SYNM: variants seen among roughly 807,000 people sequenced by gnomAD.
SYNM encodes the protein synemin.
Under a neutral mutation model 104.0 loss-of-function variants are expected in SYNM, and 95 were observed. That is an observed-to-expected ratio of 0.91 (90% CI 0.77 to 1.08). The LOEUF is 1.08. Ranked by LOEUF, SYNM falls within the 50% of genes least tolerant of loss-of-function variation. SYNM has a pLI of 0.00. For synonymous variants in SYNM, 918 were observed against 869.0 expected (o/e 1.06, Z -0.99); for missense variants, 2,150 against 2,052.2 (o/e 1.05, Z -0.92).
chr15:99,128,274 A>G (rs2151808460), intron 3 of SYNM, among the ~76,000 whole-genome samples: 1 of 152,346 alleles, frequency 6.6e-6, no homozygotes, highest in East Asian at 1.9e-4. Context: ...TGCATAAAAT[A>G]ATGTTGGCCG....
In SYNM at chr15:99,131,569, C is replaced by T. The variant is rs782168939; in HGVS notation, c.3209C>T (p.Thr1070Ile). 5.0e-6 allele frequency: 8 copies of T among 1,609,148 alleles called. No individual in the cohort carries two copies. The South Asian group carries it at 7.7e-5, about 15-fold the overall frequency. ...AAGIRFRRWA[T>I]RELYIPSGES... ...GGCATTCGCTTTAGGCGTTGGGCCA[C>T]CCGGGAGCTGTACATCCCTTCAGGC... is the stretch of plus-strand genomic sequence containing the variant. Residue 1070 changes from threonine to isoleucine, a missense_variant, in exon 4 of 4, where the codon ACC (threonine) becomes ATC (isoleucine). By Grantham distance (89) the Thr-to-Ile change is moderately conservative (BLOSUM62 -1). Coordinates refer to ENST00000336292, the MANE Select transcript of SYNM (RefSeq NM_145728.3). This position sits in a 1 kb window ranked among gnomAD's most constrained non-coding sequence, Gnocchi z 4.3.
intron 2 of SYNM, among the ~76,000 whole-genome samples, chr15:99,116,405 A>ATG (rs1555483953): frequency 9.5e-6 from 1 of 104,878 alleles, no homozygotes. Flanking sequence ...GACTGCCCCA[A>ATG]GTCAGAAAAA....
chr15:99,129,967 A>T lies in SYNM; in HGVS notation c.1607A>T (p.Asn536Ile). The T allele has an allele frequency of 6.2e-7, 1 of 1,612,174 alleles. No individual in the cohort carries two copies. The highest frequency in any genetic ancestry group is 8.5e-7 in the Non-Finnish European group (1 of 1,179,014). Residue 536 changes from asparagine to isoleucine, a missense_variant, in exon 4 of 4, where the codon AAC becomes ATC. Physicochemically the swap from Asn to Ile is moderately radical, Grantham distance 149. Coordinates refer to ENST00000336292, the MANE Select transcript of SYNM (RefSeq NM_145728.3). ...AAAGAGAAGGCTTCCGAGGAGAGAAACCTAAGATGGGAAGAATTGACAAAG... is the reference window on the plus strand; with the variant it reads ...AAAGAGAAGGCTTCCGAGGAGAGAATCCTAAGATGGGAAGAATTGACAAAG... Reference protein sequence around the residue: ...DSKEKASEERNLRWEELTKLD... With the variant: ...DSKEKASEERILRWEELTKLD...
chr15:99,115,952 G>A (rs1191596189), intron 2 of SYNM, among the ~76,000 whole-genome samples: 2 of 152,244 alleles, frequency 1.3e-5, no homozygotes, highest in East Asian at 3.8e-4. Flanking sequence ...AGTGAAGAGG[G>A]AGCAGCTCTA....
At chr15:99,118,231 C>T (rs1437198918) in intron 2 of SYNM, among the ~76,000 whole-genome samples, 1 of 152,238 alleles carries the variant, frequency 6.6e-6, no homozygotes, top group Non-Finnish European at 1.5e-5. Context: ...ATCACCAGTG[C>T]ATGTCTGGAA....
At chr15:99,140,118 C>T (rs575741881), downstream of SYNM, 1 of 181,782 alleles carries the variant, frequency 5.5e-6, no homozygotes, top group African/African-American at 2.4e-5. Flanking sequence ...TGTTTGTCAC[C>T]CGGGGTAGAC....
At chr15:99,108,057 A>G (rs1210783877) in intron 1 of SYNM, among the ~76,000 whole-genome samples, 1 of 151,240 alleles carries the variant, frequency 6.6e-6, no homozygotes, top group African/African-American at 2.4e-5. Flanking sequence ...ACACCGCAAC[A>G]TCCGCTTCCT....
chr15:99,139,854 T>C, downstream of SYNM: 2 of 882,344 alleles, frequency 2.3e-6, no homozygotes, highest in Non-Finnish European at 3.1e-6. Flanking sequence ...TCTTAGTTAT[T>C]AGGAACCAAA....
chr15:99,139,723 T>G, downstream of SYNM: 1 of 1,351,766 alleles, frequency 7.4e-7, no homozygotes, highest in Non-Finnish European at 9.8e-7. Flanking sequence ...TTTCTATTTT[T>G]AAATGTGGCC....
At chr15:99,141,059 C>T in the SYNM span, 243 of 152,284 alleles carry the variant, frequency 1.6e-3, no homozygotes, top group African/African-American at 5.6e-3. Flanking sequence ...ATTTCACCCA[C>T]CAGACTGCAA....
At position 99,133,195 on chromosome 15, in the gene SYNM, G is replaced by A. The variant is rs760544519; in HGVS notation, c.*137G>A. 6.9e-7 allele frequency: 1 copy of A among 1,452,474 alleles called. No individual in the cohort carries two copies. The highest frequency in any genetic ancestry group is 9.0e-7 in the Non-Finnish European group (1 of 1,106,740). The allele number at this position is 1,452,474 out of a possible 1,614,324, so 90.0% of individuals were successfully genotyped here. On this transcript the variant is annotated 3_prime_UTR_variant, in exon 4 of 4. Transcript: ENST00000336292. ...CTTTTTTAAAGAGTACTCCCGGCATGGTCAATTTCCTTTATAGTTAATCCG... is the reference window on the plus strand; with the variant it reads ...CTTTTTTAAAGAGTACTCCCGGCATAGTCAATTTCCTTTATAGTTAATCCG...
At chr15:99,122,599 G>A (rs1379002361) in intron 2 of SYNM, among the ~76,000 whole-genome samples, 1 of 152,210 alleles carries the variant, frequency 6.6e-6, no homozygotes, top group East Asian at 1.9e-4. Context: ...ACTTTGGGAG[G>A]CTGAGGCAGG....
At chr15:99,110,095 A>C (rs1308517056) in intron 1 of SYNM, among the ~76,000 whole-genome samples, 2 of 152,214 alleles carry the variant, frequency 1.3e-5, no homozygotes, top group Non-Finnish European at 2.9e-5. Flanking sequence ...CCTGCGTTCA[A>C]GTTGAAGCCA....
intron 1 of SYNM, among the ~76,000 whole-genome samples, chr15:99,111,401 G>A (rs1000995957): frequency 6.6e-5 from 10 of 152,306 alleles, no homozygotes; most frequent in Admixed American, 3.3e-4. Flanking sequence ...TACCTGAATT[G>A]TATTCCCTCT....
intron 1 of SYNM, among the ~76,000 whole-genome samples, chr15:99,108,961 A>T (rs111242125): frequency 0.021 from 3,165 of 152,216 alleles, 55 homozygotes; most frequent in Non-Finnish European, 0.031. Flanking sequence ...TGGCATTAAA[A>T]CTATTTTCTT....
chr15:99,140,850 A>G, the SYNM span: 1 of 152,256 alleles, frequency 6.6e-6, no homozygotes. Flanking sequence ...CACAGAAATG[A>G]GAAAGGTTTA....
At position 99,134,531 on chromosome 15, in the gene SYNM, AAC is replaced by A. The variant is rs1408709403; in HGVS notation, c.*1477_*1478del. ...ATGCTGTCTCAGCTGTATTTCCAGT[AAC>A]ACAGCATCATCGCACTGACTGTGGC... On this transcript the variant is annotated 3_prime_UTR_variant, in exon 4 of 4. Coordinates refer to ENST00000336292, the MANE Select transcript of SYNM (RefSeq NM_145728.3). 1.3e-5 allele frequency: 2 copies of A among 152,332 alleles called. No individual in the cohort carries two copies. The highest frequency in any genetic ancestry group is 1.3e-4 in the Admixed American group (2 of 15,308). 9.4% of individuals were successfully genotyped at this position (152,332 alleles called of 1,614,324 possible).
rs1555483636 is a variant in SYNM, at chr15:99,113,668, C to T, written c.888C>T (p.Asp296=). The part of the protein sequence containing the change: ...AMADWLRDYQ[D]LLQVKTGLSL... ...CTGACTGGCTGCGGGACTATCAGGACCTCCTGCAGGTGAAGACCGGCCTCA... is the reference window on the plus strand; with the variant it reads ...CTGACTGGCTGCGGGACTATCAGGATCTCCTGCAGGTGAAGACCGGCCTCA... The change falls in exon 2 of 4, where the codon GAC becomes GAT. Residue 296 remains aspartate (D), a synonymous_variant. Transcript: ENST00000336292. The T allele has an allele frequency of 6.2e-7, 1 of 1,613,480 alleles. No homozygotes were observed. The highest frequency in any genetic ancestry group is 8.5e-7 in the Non-Finnish European group (1 of 1,179,654).
intron 2 of SYNM, among the ~76,000 whole-genome samples, chr15:99,122,768 G>A (rs1374454585): frequency 2.0e-5 from 3 of 152,338 alleles, no homozygotes; most frequent in African/African-American, 4.8e-5. Flanking sequence ...AAGCCCAGGA[G>A]GCAGAGATTG....
Sources: gnomAD v4.1 joint callset for allele counts (sites outside exome capture counted in the v4.1 genomes callset) on GRCh38, gnomAD v4.1.1 for gene constraint, Gnocchi (gnomAD v3.1) non-coding constraint, MANE v1.5 for transcripts, NCBI Gene and HGNC (gene_info 2026-07-23, HGNC 2026-07-21) for gene names.